The following TENM2 variants were observed in gnomAD, a reference collection of about 807,000 sequenced individuals.
TENM2 encodes teneurin transmembrane protein 2, also known as teneurin-2.
In TENM2, 52 loss-of-function variants were observed where a neutral mutation model predicts 245.2. That is an observed-to-expected ratio of 0.21 (90% confidence interval 0.17 to 0.27). The LOEUF is 0.27. TENM2 is among the 10% of genes least tolerant of loss of function. The pLI, the probability that TENM2 is intolerant of heterozygous loss-of-function variation, is 1.00. For synonymous variants in TENM2, 1,363 were observed against 1,438.9 expected (o/e 0.95, Z 1.19); for missense variants, 3,046 against 3,666.8 (o/e 0.83, Z 4.37).
intron 2 of TENM2, among the ~76,000 whole-genome samples, chr5:167,851,144 A>G (rs1245030753): frequency 6.6e-6 from 1 of 151,896 alleles, no homozygotes; most frequent in Non-Finnish European, 1.5e-5. Context: ...TGTTGATTGG[A>G]GTAAGTGGAA....
At chr5:167,724,424 T>G (rs1329777460) in intron 2 of TENM2, among the ~76,000 whole-genome samples, 4 of 152,176 alleles carry the variant, frequency 2.6e-5, no homozygotes, top group African/African-American at 7.2e-5. Flanking sequence ...TTAATAAATA[T>G]TTCATTGAGC....
chr5:167,069,406 G>A, the TENM2 span, among the ~76,000 whole-genome samples: 3 of 152,134 alleles, frequency 2.0e-5, no homozygotes, highest in Non-Finnish European at 4.4e-5. Context: ...TTCCCCAAAT[G>A]TCAATAATGC....
At chr5:167,725,983 G>A (rs754009462) in intron 2 of TENM2, among the ~76,000 whole-genome samples, 23 of 152,030 alleles carry the variant, frequency 1.5e-4, no homozygotes, top group Non-Finnish European at 2.9e-4. Flanking sequence ...TTAGCACTTC[G>A]CTGTGCTTAC....
intron 1 of TENM2, among the ~76,000 whole-genome samples, chr5:167,365,384 G>GA (rs34858887): frequency 0.18 from 25,631 of 146,234 alleles, 2,480 homozygotes; most frequent in Non-Finnish European, 0.23. Flanking sequence ...AGAAGGATGA[G>GA]AAAAAAAAAA....
intron 2 of TENM2, among the ~76,000 whole-genome samples, chr5:167,867,932 G>C (rs547992089): frequency 1.3e-5 from 2 of 152,186 alleles, no homozygotes; most frequent in Non-Finnish European, 2.9e-5. Flanking sequence ...GGTAGGTTAA[G>C]TTTGTTTTCT....
At chr5:167,801,109 A>ATATAT (rs1554120916) in intron 2 of TENM2, among the ~76,000 whole-genome samples, 4 of 66,552 alleles carry the variant, frequency 6.0e-5, no homozygotes, top group Non-Finnish European at 1.1e-4. Flanking sequence ...AAAAAAAAAA[A>ATATAT]ATATATATAT....
At chr5:167,716,884 A>ATATTTTATTTTATTTTATTT (rs200661613) in intron 2 of TENM2, among the ~76,000 whole-genome samples, 31 of 132,152 alleles carry the variant, frequency 2.3e-4, no homozygotes, top group African/African-American at 6.7e-4. Flanking sequence ...GTCTTTTTTT[A>ATATTTTATTTTATTTTATTT]TATTTTATTT....
At chr5:168,236,414 T>C (rs1765426296) in intron 25 of TENM2, among the ~76,000 whole-genome samples, 1 of 152,164 alleles carries the variant, frequency 6.6e-6, no homozygotes, top group Non-Finnish European at 1.5e-5. Context: ...TGCAAGGCCT[T>C]TGCTCATCCC....
chr5:167,375,291 A>G, exon 2 of TENM2: 5 of 1,551,574 alleles, frequency 3.2e-6, no homozygotes, highest in Non-Finnish European at 4.4e-6. Context: ...CACCAGGGCT[A>G]CTCCCTTAGC....
intron 2 of TENM2, among the ~76,000 whole-genome samples, chr5:167,663,409 G>A (rs1755371010): frequency 6.6e-6 from 1 of 152,174 alleles, no homozygotes; most frequent in Admixed American, 6.5e-5. Flanking sequence ...ATTGAAAAGA[G>A]TGTCTTTAAT....
exon 29 of TENM2, chr5:168,262,959 C>A (rs1768345936): frequency 1.4e-6 from 1 of 696,332 alleles, no homozygotes. Flanking sequence ...TTTTTGAGTT[C>A]AAATGCTACT....
At chr5:167,932,584 G>A (rs1778372731) in intron 3 of TENM2, among the ~76,000 whole-genome samples, 1 of 152,058 alleles carries the variant, frequency 6.6e-6, no homozygotes, top group Admixed American at 6.5e-5. Context: ...ATACATATGT[G>A]TGTAAGACTG....
At chr5:167,758,640 A>G (rs903078466) in intron 2 of TENM2, among the ~76,000 whole-genome samples, 3 of 152,116 alleles carry the variant, frequency 2.0e-5, no homozygotes, top group African/African-American at 2.4e-5. Flanking sequence ...ATTGCATGTT[A>G]GCTTTTATAA....
chr5:167,557,411 C>T (rs1293374759), intron 2 of TENM2, among the ~76,000 whole-genome samples: 1 of 152,132 alleles, frequency 6.6e-6, no homozygotes, highest in African/African-American at 2.4e-5. Context: ...CTGCCAGTGA[C>T]TCATTATGAA....
the TENM2 span, among the ~76,000 whole-genome samples, chr5:167,212,112 G>T: frequency 6.6e-6 from 1 of 152,148 alleles, no homozygotes; most frequent in Non-Finnish European, 1.5e-5. Flanking sequence ...AGAGAAGATT[G>T]CTTTTAGCTT....
At chr5:167,849,716 G>C (rs1561852313) in intron 2 of TENM2, among the ~76,000 whole-genome samples, 1 of 152,174 alleles carries the variant, frequency 6.6e-6, no homozygotes, top group Non-Finnish European at 1.5e-5. Context: ...TAATTTGCTA[G>C]AGGGATTCAC....
chr5:167,744,533 A>G lies in TENM2; in HGVS notation c.503-131453A>G, dbSNP rs370407114. Among the ~76,000 whole-genome samples the G allele has an allele frequency of 1.6e-4, 24 of 152,286 alleles. No homozygotes were observed. The South Asian group carries it at 4.8e-3, about 30-fold the overall frequency. ...AGGAGTTCAGAAAAAGGAAAATGCA[A>G]TGATTTTTAAGTACTTTGGGCCATT... On this transcript the variant is annotated intron_variant, in intron 2 of 28. Coordinates refer to ENST00000518659, the Ensembl canonical transcript of TENM2.
chr5:167,652,677 T>C (rs1044549549), intron 2 of TENM2, among the ~76,000 whole-genome samples: 3 of 152,192 alleles, frequency 2.0e-5, no homozygotes, highest in Non-Finnish European at 4.4e-5. Context: ...TTGACTCCTC[T>C]CCATGTCTCT....
chr5:167,431,940 CATATATATGTATATATATATGTATAT>C (rs1463445363), intron 2 of TENM2, among the ~76,000 whole-genome samples: 4 of 65,856 alleles, frequency 6.1e-5, no homozygotes. Flanking sequence ...TATATATATA[CATATATATGTATATATATATGTATAT>C]ATATATATAT....
Sources: gnomAD v4.1 joint callset for allele counts (sites outside exome capture counted in the v4.1 genomes callset) on GRCh38, gnomAD v4.1.1 for gene constraint, MANE v1.5 for transcripts, NCBI Gene and HGNC (gene_info 2026-07-23, HGNC 2026-07-21) for gene names.